ACMSD: variants seen among roughly 807,000 people sequenced by gnomAD.
The protein encoded by ACMSD is 2-amino-3-carboxymuconate-6-semialdehyde decarboxylase.
A neutral mutation model predicts 45.9 loss-of-function variants in ACMSD; 37 were observed. The observed-to-expected ratio is 0.81, with a 90% CI of 0.62 to 1.06. The LOEUF is 1.06. ACMSD is among the 50% of genes least tolerant of loss of function. ACMSD has a pLI of 0.00. For synonymous variants in ACMSD, 138 were observed against 148.8 expected, an observed-to-expected ratio of 0.93 and a Z score of 0.53; for missense variants, 434 against 420.9, an observed-to-expected ratio of 1.03 and a Z score of -0.27.
At chr2:134,865,797 A>G (rs976802765) in intron 5 of ACMSD, among the ~76,000 whole-genome samples, 7 of 152,144 alleles carry the variant, frequency 4.6e-5, no homozygotes, top group African/African-American at 1.7e-4. Context: ...GTCAGTTTTC[A>G]GTTGCAAAAA....
At chr2:134,883,630 G>A (rs1037042662) in intron 8 of ACMSD, among the ~76,000 whole-genome samples, 1 of 152,008 alleles carries the variant, frequency 6.6e-6, no homozygotes, top group Non-Finnish European at 1.5e-5. Context: ...GCCTCCTGAG[G>A]AGCTGGGACA....
At chr2:134,850,774 CCTTT>C (rs1319183384) in intron 2 of ACMSD, among the ~76,000 whole-genome samples, 1 of 152,162 alleles carries the variant, frequency 6.6e-6, no homozygotes, top group Non-Finnish European at 1.5e-5. Context: ...AAAAGTTCTT[CCTTT>C]CTTTAAAATA....
At chr2:134,850,744 G>A (rs916811542) in intron 2 of ACMSD, among the ~76,000 whole-genome samples, 4 of 151,846 alleles carry the variant, frequency 2.6e-5, no homozygotes, top group African/African-American at 9.7e-5. Flanking sequence ...AATTTTCTTG[G>A]ACCAGCACTC....
At chr2:134,883,277 A>G (rs1319408781) in intron 8 of ACMSD, among the ~76,000 whole-genome samples, 1 of 151,946 alleles carries the variant, frequency 6.6e-6, no homozygotes, top group East Asian at 1.9e-4. Flanking sequence ...AAAAAAAAAC[A>G]GAAGAAATTT....
At position 134,872,657 on chromosome 2, in the gene ACMSD, C is replaced by T. The variant is rs377680852; in HGVS notation, c.849+16C>T. 18 of 1,613,892 alleles carry T rather than the reference C, an allele frequency of 1.1e-5. No individual in the cohort carries two copies. In the East Asian group the frequency reaches 1.8e-4, roughly 16 times the overall value. On this transcript the variant is annotated intron_variant, in intron 8 of 9. Coordinates refer to ENST00000356140, the MANE Select transcript of ACMSD (RefSeq NM_138326.3). ...CATAGGAAAGGTAAGCCCAGTCTGC[C>T]ACTTGGATGGCTTATGGGGAGCAGA...
chr2:134,871,010 G>C lies in ACMSD; in HGVS notation c.626G>C (p.Gly209Ala). Reference protein sequence around the residue: ...TTIAICSMIMGGVFEKFPKLK... With the variant: ...TTIAICSMIMAGVFEKFPKLK... Reference sequence around the variant, plus strand: ...ATAGCCATTTGCTCCATGATCATGGGTGGAGTATTTGAGAAGTTTCCCAAA... The same window carrying C: ...ATAGCCATTTGCTCCATGATCATGGCTGGAGTATTTGAGAAGTTTCCCAAA... Residue 209 changes from glycine to alanine, a missense_variant, in exon 7 of 10, where the codon GGT becomes GCT. Coordinates refer to ENST00000356140, the MANE Select transcript of ACMSD (RefSeq NM_138326.3). 6.2e-7 allele frequency: 1 copy of C among 1,614,150 alleles called. No homozygotes were observed. The highest frequency in any genetic ancestry group is 8.5e-7 in the Non-Finnish European group (1 of 1,180,022).
intron 4 of ACMSD, 142 bp from the exon 5 acceptor site, chr2:134,863,253 C>T: frequency 1.0e-6 from 1 of 998,950 alleles, no homozygotes; most frequent in Non-Finnish European, 1.5e-6. Context: ...AGCACCTTTC[C>T]CAATCTGTGC....
At chr2:134,854,994 A>G (rs1232684427) in intron 2 of ACMSD, among the ~76,000 whole-genome samples, 1 of 152,042 alleles carries the variant, frequency 6.6e-6, no homozygotes, top group African/African-American at 2.4e-5. Context: ...AAGGAGCAAA[A>G]ATAAATAAAT....
At chr2:134,863,778 T>A (rs1342648966) in intron 5 of ACMSD, 147 bp downstream of exon 5, 6 of 799,616 alleles carry the variant, frequency 7.5e-6, no homozygotes, top group Non-Finnish European at 9.9e-6. Flanking sequence ...GTAGAAGGTG[T>A]GGAAATAGCC....
intron 6 of ACMSD, chr2:134,869,185 T>C (rs960999682): frequency 1.3e-5 from 2 of 151,390 alleles, no homozygotes; most frequent in East Asian, 2.0e-4. Context: ...TTCACAAAAC[T>C]CTGATAAGTC....
intron 2 of ACMSD, among the ~76,000 whole-genome samples, chr2:134,850,983 G>C (rs1687315990): frequency 6.6e-6 from 1 of 152,124 alleles, no homozygotes. Flanking sequence ...AGTGTCTACT[G>C]TTGCCATCCT....
intron 1 of ACMSD, among the ~76,000 whole-genome samples, chr2:134,839,031 A>G (rs765478719): frequency 6.6e-5 from 10 of 152,212 alleles, no homozygotes; most frequent in Non-Finnish European, 1.3e-4. Flanking sequence ...CCTTTTCAAA[A>G]ATCACATATT....
intron 2 of ACMSD, among the ~76,000 whole-genome samples, chr2:134,849,963 AACACACACACAC>A (rs10617563): frequency 1.1e-4 from 16 of 145,990 alleles, no homozygotes; most frequent in African/African-American, 2.8e-4. Flanking sequence ...GGGCCTTGGG[AACACACACACAC>A]ACACACACAC....
At chr2:134,856,028 A>C (rs570176539) in intron 2 of ACMSD, among the ~76,000 whole-genome samples, 2 of 152,184 alleles carry the variant, frequency 1.3e-5, no homozygotes, top group African/African-American at 4.8e-5. Flanking sequence ...TGTGCCCTCA[A>C]AGCAGAGGAA....
At chr2:134,870,621 G>T (rs1308901865) in intron 6 of ACMSD, among the ~76,000 whole-genome samples, 1 of 152,138 alleles carries the variant, frequency 6.6e-6, no homozygotes, top group African/African-American at 2.4e-5. Flanking sequence ...ACTTGCCAGA[G>T]GCCAGGAGGC....
chr2:134,880,728 A>C (rs1033815641), intron 8 of ACMSD, among the ~76,000 whole-genome samples: 1 of 151,922 alleles, frequency 6.6e-6, no homozygotes, highest in African/African-American at 2.4e-5. Flanking sequence ...TCTGTTTTTT[A>C]AAGTCTCGGT....
At chr2:134,881,918 G>C (rs532681753) in intron 8 of ACMSD, among the ~76,000 whole-genome samples, 4 of 152,158 alleles carry the variant, frequency 2.6e-5, no homozygotes, top group Non-Finnish European at 5.9e-5. Flanking sequence ...AGGAGTTTGA[G>C]ACCAACCTAG....
chr2:134,901,960 A>G lies in ACMSD; in HGVS notation c.*100A>G. The G allele has an allele frequency of 1.3e-6, 1 of 753,236 alleles. No homozygotes were observed. Among genetic ancestry groups the G allele is most frequent in the Non-Finnish European group, 2.1e-6 (1 of 482,448 alleles). 46.7% of individuals were successfully genotyped at this position (753,236 alleles called of 1,614,324 possible). A position where few individuals can be genotyped will look rare whatever the true frequency, so the allele number is the denominator to read the frequency against. ...ACAAAATCCTATTTTGAACTATTTT[A>G]CTCAGAAATGAATGTCCCAAATATC... On this transcript the variant is annotated 3_prime_UTR_variant, in exon 10 of 10. Transcript: ENST00000356140.
intron 8 of ACMSD, among the ~76,000 whole-genome samples, chr2:134,881,524 C>A (rs1689039383): frequency 6.6e-6 from 1 of 152,136 alleles, no homozygotes; most frequent in African/African-American, 2.4e-5. Flanking sequence ...TCACCATCCC[C>A]CTTCTGTACC....
Sources: gnomAD v4.1 joint callset for allele counts (sites outside exome capture counted in the v4.1 genomes callset) on GRCh38, gnomAD v4.1.1 for gene constraint, MANE v1.5 for transcripts, NCBI Gene and HGNC (gene_info 2026-07-23, HGNC 2026-07-21) for gene names.